The following LRRC43 variants were observed in gnomAD, a reference collection of about 807,000 sequenced individuals.
LRRC43 encodes leucine rich repeat containing 43.
Under a neutral mutation model 64.3 loss-of-function variants are expected in LRRC43, and 62 were observed. The observed-to-expected ratio is 0.96, with a 90% CI of 0.79 to 1.19. LRRC43 has a LOEUF of 1.19. Ranked by LOEUF, LRRC43 falls within the 50% of genes most tolerant of loss-of-function variation. The probability of loss-of-function intolerance (pLI) is 0.00; values close to 1 mark genes in which losing one functional copy is unlikely to be tolerated. For synonymous variants in LRRC43, 422 were observed against 382.3 expected, an observed-to-expected ratio of 1.10 and a Z score of -1.21; for missense variants, 868 against 845.0, an observed-to-expected ratio of 1.03 and a Z score of -0.34.
intron 1 of LRRC43, among the ~76,000 whole-genome samples, chr12:122,177,614 C>A (rs552011906): frequency 1.3e-5 from 2 of 151,942 alleles, no homozygotes; most frequent in East Asian, 3.9e-4. Flanking sequence ...AAGCAGCCCT[C>A]TTACCCCAGC....
intron 3 of LRRC43, 80 bp from the exon 4 acceptor site, chr12:122,187,621 T>C (rs749959009): frequency 5.8e-5 from 78 of 1,355,378 alleles, no homozygotes; most frequent in Non-Finnish European, 7.5e-5. Flanking sequence ...TACTAAGTTT[T>C]GCGGGACAGA....
chr12:122,190,581 G>A (rs1054015719), intron 5 of LRRC43, among the ~76,000 whole-genome samples: 1 of 152,230 alleles, frequency 6.6e-6, no homozygotes, highest in Non-Finnish European at 1.5e-5. Context: ...GATAGGGGGA[G>A]GCCGGGCGCG....
intron 7 of LRRC43, among the ~76,000 whole-genome samples, chr12:122,198,876 G>A (rs544375092): frequency 9.9e-5 from 15 of 151,484 alleles, no homozygotes; most frequent in African/African-American, 2.7e-4. Context: ...CAAGTGATCC[G>A]CCCACCTCGG....
At position 122,201,322 on chromosome 12, in the gene LRRC43, C is replaced by CA; in HGVS notation, c.1842dup (p.Glu615ArgfsTer17). On this transcript the variant is annotated frameshift_variant, in exon 11 of 12. Transcript: ENST00000339777. LOFTEE classifies it low-confidence loss of function (END_TRUNC). Reference sequence around the variant, plus strand: ...ATTCAAAGAAGATTAAGAAAGTTGCCAAAAAAGGTGAGTGCCGATGGTGGT... The same window carrying CA: ...ATTCAAAGAAGATTAAGAAAGTTGCCAAAAAAAGGTGAGTGCCGATGGTGGT... 6.2e-7 allele frequency: 1 copy of CA among 1,613,884 alleles called. No individual in the cohort carries two copies. Among genetic ancestry groups the CA allele is most frequent in the Non-Finnish European group, 8.5e-7 (1 of 1,179,870 alleles).
intron 1 of LRRC43, chr12:122,172,343 C>T: frequency 3.5e-6 from 4 of 1,138,928 alleles, no homozygotes; most frequent in Non-Finnish European, 5.1e-6. Flanking sequence ...GCAGAGTTCC[C>T]ACACTTAGCT....
Position 122,191,435 on chromosome 12 carries a change from C to T in LRRC43, c.957C>T (p.Val319=). ...TGACCATCGGAAACATCAGAGGAGT[C>T]CTGGACACCTCTGTCTTAGACCCGG... ...FVVTIGNIRG[V]LDTSVLDPEP... is the part of the protein sequence containing the mutation. Residue 319 remains valine, a synonymous_variant, in exon 6 of 12, where the codon GTC becomes GTT. Transcript: ENST00000339777. The T allele has an allele frequency of 1.2e-6, 2 of 1,614,106 alleles. No individual in the cohort carries two copies. Among genetic ancestry groups the T allele is most frequent in the East Asian group, 4.5e-5 (2 of 44,870 alleles).
chr12:122,188,064 CCTTTG>C, intron 4 of LRRC43: 1 of 419,018 alleles, frequency 2.4e-6, no homozygotes, highest in Middle Eastern at 6.3e-4. Flanking sequence ...TGAGTCAGAG[CCTTTG>C]CTTTGGTGCC....
At chr12:122,190,025 G>A in intron 4 of LRRC43, 105 bp from the exon 5 acceptor site, 1 of 942,142 alleles carries the variant, frequency 1.1e-6, no homozygotes, top group South Asian at 1.4e-5. Context: ...GGCCGTGGAT[G>A]GGCAGAATCC....
rs4758651 is a variant in LRRC43, at chr12:122,190,211, G to A, written c.744G>A (p.Arg248=). 1,152,157 of 1,613,764 alleles carry A rather than the reference G, an allele frequency of 0.71. 417,453 individuals are homozygous for A. The highest frequency in any genetic ancestry group is 0.91 in the East Asian group (40,672 of 44,854). ...TGGTCACCAGCCTGAGGACCCTCCG[G>A]CACCTGCGACTCCTGGTGCTGCAGG... ...QSMVTSLRTL[R]HLRLLVLQGN... Residue 248 remains arginine, a synonymous_variant, in exon 5 of 12, where the codon CGG becomes CGA. Coordinates refer to ENST00000339777, the MANE Select transcript of LRRC43 (RefSeq NM_001098519.2).
At position 122,183,223 on chromosome 12, in the gene LRRC43, G is replaced by T. The variant is rs1393933481; in HGVS notation, c.79G>T (p.Val27Leu). 1.3e-6 allele frequency: 2 copies of T among 1,567,084 alleles called. No homozygotes were observed. Among genetic ancestry groups the T allele is most frequent in the Non-Finnish European group, 8.6e-7 (1 of 1,165,922 alleles). ...GACTCAGCGGCCCGGGACCGGGACC[G>T]TGAGCGCGGCCGTGCGCGAGCACTT... is the stretch of plus-strand genomic sequence containing the variant. ...PGTQRPGTGTVSAAVREHLRK... is the reference protein window; with the variant it reads ...PGTQRPGTGTLSAAVREHLRK... The change falls in exon 1 of 12, where the codon GTG becomes TTG. Residue 27 changes from valine (V) to leucine (L), a missense_variant. Coordinates refer to ENST00000339777, the MANE Select transcript of LRRC43 (RefSeq NM_001098519.2).
intron 4 of LRRC43, 54 bp downstream of exon 4, chr12:122,187,894 G>A: frequency 5.0e-6 from 8 of 1,590,688 alleles, no homozygotes; most frequent in Non-Finnish European, 6.0e-6. Flanking sequence ...TATCAGGTTG[G>A]GGCGATTCTA....
chr12:122,173,005 G>A (rs1392401841), intron 1 of LRRC43, among the ~76,000 whole-genome samples: 1 of 152,108 alleles, frequency 6.6e-6, no homozygotes, highest in Non-Finnish European at 1.5e-5. Context: ...ACTCTCACGT[G>A]CTCAGGGTGG....
intron 1 of LRRC43, among the ~76,000 whole-genome samples, chr12:122,169,972 A>G (rs1953471288): frequency 6.6e-6 from 1 of 151,706 alleles, no homozygotes; most frequent in Non-Finnish European, 1.5e-5. Context: ...ACACTTGGCC[A>G]GTTTTTGTAT....
At position 122,191,946 on chromosome 12, in the gene LRRC43, A is replaced by C. The variant is rs993889652; in HGVS notation, c.1089+379A>C. ...ACAGGTGTGAGCCACCGCGCTGGCC[A>C]AGAAAGATTCTTAATGTGGAATCTG... On this transcript the variant is annotated intron_variant, in intron 6 of 11. Transcript: ENST00000339777. 1.4e-4 allele frequency among the ~76,000 whole-genome samples: 21 copies of C among 150,508 alleles called. 1 individual carries two copies. The highest frequency in any genetic ancestry group is 1.0e-4 in the Non-Finnish European group (7 of 67,462).
chr12:122,188,263 T>C (rs374392353), intron 4 of LRRC43, among the ~76,000 whole-genome samples: 2,817 of 148,176 alleles, frequency 0.019, 45 homozygotes, highest in Non-Finnish European at 0.028. Flanking sequence ...CCCGCCACCA[T>C]GCCCGGCTAA....
In LRRC43 at chr12:122,184,285, G is replaced by A. The variant is rs1221065982; in HGVS notation, c.151-234G>A. On this transcript the variant is annotated intron_variant, in intron 1 of 11. Coordinates refer to ENST00000339777, the MANE Select transcript of LRRC43 (RefSeq NM_001098519.2). This position sits in a 1 kb window ranked among gnomAD's most constrained non-coding sequence, Gnocchi z 4.0. The stretch of plus-strand genomic sequence containing the variant: ...AATTTTTTGTATTTTTAGTCGAGAC[G>A]GGGTTTCACCGTGTTAGCCAGGATG... Among the ~76,000 whole-genome samples, 3 of 151,984 alleles carry A rather than the reference G, an allele frequency of 2.0e-5. No individual in the cohort carries two copies. The highest frequency in any genetic ancestry group is 4.8e-5 in the African/African-American group (2 of 41,382).
At position 122,192,875 on chromosome 12, in the gene LRRC43, A is replaced by C; in HGVS notation, c.1220A>C (p.Glu407Ala). Reference protein sequence around the residue: ...EVEGSLESEVEESGESELSVI... With the variant: ...EVEGSLESEVAESGESELSVI... ...GAAGGGTCTCTGGAGTCTGAGGTGG[A>C]GGAGTCAGGAGAGTCGGAGCTGTCT... The change falls in exon 7 of 12, where the codon GAG (glutamate) becomes GCG (alanine). Residue 407 changes from glutamate (E) to alanine (A), a missense_variant. By Grantham distance (107) the Glu-to-Ala change is moderately radical. Transcript: ENST00000339777. The C allele has an allele frequency of 1.2e-6, 2 of 1,614,140 alleles. No homozygotes were observed. Among genetic ancestry groups the C allele is most frequent in the Non-Finnish European group, 1.7e-6 (2 of 1,180,024 alleles).
At chr12:122,176,948 C>G (rs1211964200) in intron 1 of LRRC43, among the ~76,000 whole-genome samples, 2 of 152,068 alleles carry the variant, frequency 1.3e-5, no homozygotes, top group Non-Finnish European at 2.9e-5. Context: ...ATCCCAAGTC[C>G]CCCTGCCGCC....
chr12:122,174,006 G>A (rs368128403), intron 1 of LRRC43: 359 of 1,613,872 alleles, frequency 2.2e-4, no homozygotes, highest in Admixed American at 4.0e-4. Flanking sequence ...GAGAGAGAAC[G>A]ATGCCGTGAG....
Sources: gnomAD v4.1 joint callset for allele counts (sites outside exome capture counted in the v4.1 genomes callset) on GRCh38, gnomAD v4.1.1 for gene constraint, Gnocchi (gnomAD v3.1) non-coding constraint, MANE v1.5 for transcripts, NCBI Gene and HGNC (gene_info 2026-07-23, HGNC 2026-07-21) for gene names.